The following CTNND2 variants were observed in gnomAD, a reference collection of about 807,000 sequenced individuals.
CTNND2 encodes catenin delta 2.
A neutral mutation model predicts 144.4 loss-of-function variants in CTNND2; 22 were observed. The observed-to-expected ratio is 0.15, with a 90% CI of 0.11 to 0.22. CTNND2 has a LOEUF of 0.22. Among genes scored for constraint, CTNND2 ranks in the 10% least tolerant of loss-of-function variants. The probability of loss-of-function intolerance (pLI) is 1.00; values close to 1 mark genes in which losing one functional copy is unlikely to be tolerated. For missense variants in CTNND2, 1,353 were observed against 1,618.8 expected (o/e 0.84, Z 2.82); for synonymous variants, 751 against 695.6 (o/e 1.08, Z -1.25).
intron 2 of CTNND2, among the ~76,000 whole-genome samples, chr5:11,634,682 G>A (rs531462755): frequency 6.6e-6 from 1 of 152,128 alleles, no homozygotes; most frequent in South Asian, 2.1e-4. Context: ...CAGAAAGTAT[G>A]TAAAAAGCAA....
chr5:11,078,144 G>C (rs1407123682), intron 16 of CTNND2, among the ~76,000 whole-genome samples: 1 of 152,150 alleles, frequency 6.6e-6, no homozygotes, highest in African/African-American at 2.4e-5. Context: ...TGTCACCCTA[G>C]CCTTCTGTGA....
At chr5:11,889,645 G>C (rs1736814071) in intron 1 of CTNND2, among the ~76,000 whole-genome samples, 1 of 152,180 alleles carries the variant, frequency 6.6e-6, no homozygotes, top group Non-Finnish European at 1.5e-5. Context: ...AAATATTAAA[G>C]TTTATAAAAG....
chr5:11,672,143 T>C (rs1783905066), intron 2 of CTNND2, among the ~76,000 whole-genome samples: 1 of 152,170 alleles, frequency 6.6e-6, no homozygotes, highest in African/African-American at 2.4e-5. Context: ...TGCCTGTTCC[T>C]CCCTCTGGAA....
intron 9 of CTNND2, among the ~76,000 whole-genome samples, chr5:11,317,081 C>T (rs1215390536): frequency 6.6e-6 from 1 of 152,164 alleles, no homozygotes; most frequent in Non-Finnish European, 1.5e-5. Flanking sequence ...CTCATCATCA[C>T]TGGCCATCAG....
In CTNND2 at chr5:11,346,637, G is replaced by T; in HGVS notation, c.1373-10C>A. ...CCAGGGGAAGATGGGGCTACGACAGGAAAGTAGGGACAAAGTAAAAAATTG... is the reference window on the plus strand; with the variant it reads ...CCAGGGGAAGATGGGGCTACGACAGTAAAGTAGGGACAAAGTAAAAAATTG... On this transcript the variant is annotated splice_polypyrimidine_tract_variant and intron_variant, in intron 8 of 21. Coordinates refer to ENST00000304623, the MANE Select transcript of CTNND2 (RefSeq NM_001332.4). 1 of 1,455,806 alleles carries T rather than the reference G, an allele frequency of 6.9e-7. No individual in the cohort carries two copies. 90.2% of individuals were successfully genotyped at this position (1,455,806 alleles called of 1,614,324 possible).
intron 1 of CTNND2, among the ~76,000 whole-genome samples, chr5:11,876,258 G>A (rs7379318): frequency 0.35 from 52,600 of 150,474 alleles, 9,655 homozygotes; most frequent in African/African-American, 0.45. Flanking sequence ...TGGGAGGCAG[G>A]AGAGGGCAGG....
Position 11,128,963 on chromosome 5 carries a change from A to AT in CTNND2, c.2160-11397dup, listed in dbSNP as rs1580365062. ...TATTATATATAATATATAAATATAT[A>AT]TAATATATAATATATAAATATATAT... is the stretch of plus-strand genomic sequence containing the variant. On this transcript the variant is annotated intron_variant, in intron 12 of 21. Transcript: ENST00000304623. 6.1e-4 allele frequency among the ~76,000 whole-genome samples: 30 copies of AT among 48,912 alleles called. 4 individuals are homozygous for AT. The highest frequency in any genetic ancestry group is 1.6e-3 in the African/African-American group (25 of 15,934). 32.1% of individuals were successfully genotyped at this position (48,912 alleles called of 152,430 possible).
At chr5:11,098,846 G>T in intron 14 of CTNND2, 98 bp from the exon 15 acceptor site, 1 of 1,135,036 alleles carries the variant, frequency 8.8e-7, no homozygotes, top group Non-Finnish European at 1.3e-6. Context: ...AAAGCAGAGT[G>T]CTATCACATT....
Position 11,794,950 on chromosome 5 carries a change from T to A in CTNND2, c.38-62678A>T, listed in dbSNP as rs62337723. 4.9e-3 allele frequency among the ~76,000 whole-genome samples: 748 copies of A among 152,354 alleles called. 4 individuals carry two copies. Among genetic ancestry groups the A allele is most frequent in the Middle Eastern group, 0.014 (4 of 294 alleles). ...ATACAAAATAAATGTACAATTATTA[T>A]TTTCCCAAACACTACTATATTTGTA... On this transcript the variant is annotated intron_variant, in intron 1 of 21. Transcript: ENST00000304623.
chr5:11,555,501 G>C (rs1258575229), intron 3 of CTNND2, among the ~76,000 whole-genome samples: 1 of 152,136 alleles, frequency 6.6e-6, no homozygotes, highest in Non-Finnish European at 1.5e-5. Flanking sequence ...GGCTGTAAAT[G>C]CTCCTGCTAT....
At chr5:11,708,206 C>T (rs537546231) in intron 2 of CTNND2, among the ~76,000 whole-genome samples, 2 of 151,892 alleles carry the variant, frequency 1.3e-5, no homozygotes, top group South Asian at 2.1e-4. Flanking sequence ...GCCACCACAC[C>T]TGGCTATAAA....
intron 18 of CTNND2, among the ~76,000 whole-genome samples, chr5:11,002,786 G>A (rs2149514769): frequency 6.6e-6 from 1 of 152,224 alleles, no homozygotes; most frequent in South Asian, 2.1e-4. Flanking sequence ...CAATGTTGAT[G>A]TTTCTATTGA....
chr5:11,369,055 G>C (rs2149778675), intron 7 of CTNND2, among the ~76,000 whole-genome samples: 1 of 152,220 alleles, frequency 6.6e-6, no homozygotes, highest in Admixed American at 6.5e-5. Context: ...TCAAAAACAA[G>C]TTGAAGATTT....
chr5:11,786,150 A>C (rs1790820234), intron 1 of CTNND2, among the ~76,000 whole-genome samples: 1 of 152,160 alleles, frequency 6.6e-6, no homozygotes, highest in African/African-American at 2.4e-5. Context: ...ATCTCACAAC[A>C]ACCACAGGAG....
At chr5:11,460,272 T>C (rs1279909821) in intron 3 of CTNND2, among the ~76,000 whole-genome samples, 1 of 151,978 alleles carries the variant, frequency 6.6e-6, no homozygotes, top group Non-Finnish European at 1.5e-5. Context: ...TCAGGAAAAA[T>C]TTATCCAAGA....
At chr5:11,244,201 A>G (rs904116738) in intron 9 of CTNND2, among the ~76,000 whole-genome samples, 4 of 152,162 alleles carry the variant, frequency 2.6e-5, no homozygotes, top group African/African-American at 9.7e-5. Context: ...TTATTCAACA[A>G]TTAACATATA....
At chr5:11,258,054 C>T (rs895141999) in intron 9 of CTNND2, among the ~76,000 whole-genome samples, 1 of 152,160 alleles carries the variant, frequency 6.6e-6, no homozygotes, top group African/African-American at 2.4e-5. Context: ...CTCAGTCAAA[C>T]TTAGATCCCT....
chr5:11,082,761 A>G lies in CTNND2; in HGVS notation c.2723T>C (p.Val908Ala), dbSNP rs905302639. 1.9e-6 allele frequency: 3 copies of G among 1,614,174 alleles called. No individual in the cohort carries two copies. Among genetic ancestry groups the G allele is most frequent in the Non-Finnish European group, 2.5e-6 (3 of 1,180,030 alleles). The change falls in exon 16 of 22, where the codon GTG (valine) becomes GCG (alanine). Residue 908 changes from valine to alanine, a missense_variant. Physicochemically the swap from Val to Ala is moderately conservative, Grantham distance 64. Transcript: ENST00000304623. Reference protein sequence around the residue: ...VELLRIDNDRVVCAVATALRN... With the variant: ...VELLRIDNDRAVCAVATALRN... ...CAGCGCAGTGGCCACCGCGCACACCACACGGTCATTGTCTATTCGGAGCAG... is the reference window on the plus strand; with the variant it reads ...CAGCGCAGTGGCCACCGCGCACACCGCACGGTCATTGTCTATTCGGAGCAG...
At chr5:11,842,774 A>G (rs1474659200) in intron 1 of CTNND2, among the ~76,000 whole-genome samples, 2 of 152,088 alleles carry the variant, frequency 1.3e-5, no homozygotes, top group African/African-American at 2.4e-5. Flanking sequence ...TGAAAATGTC[A>G]AAATAATATG....
Sources: allele counts gnomAD v4.1 joint callset (sites outside exome capture counted in the v4.1 genomes callset), GRCh38; gene constraint gnomAD v4.1.1; transcripts MANE v1.5; gene names NCBI Gene and HGNC (gene_info 2026-07-23, HGNC 2026-07-21).